Variants in KIF25 observed in about 807,000 individuals in gnomAD.
KIF25 encodes kinesin family member 25, also known as kinesin-like protein KIF25.
Under a neutral mutation model 32.9 loss-of-function variants are expected in KIF25, and 19 were observed. That is an observed-to-expected ratio of 0.58 (90% CI 0.40 to 0.85). The LOEUF is 0.85. Ranked by LOEUF, KIF25 falls within the 40% of genes least tolerant of loss-of-function variation. The probability of loss-of-function intolerance (pLI) is 0.00; values close to 1 mark genes in which losing one functional copy is unlikely to be tolerated. For missense variants in KIF25, 485 were observed against 507.0 expected (o/e 0.96, Z 0.42); for synonymous variants, 225 against 213.7 (o/e 1.05, Z -0.46).
intron 4 of KIF25, among the ~76,000 whole-genome samples, chr6:168,014,204 T>C (rs1798685167): frequency 6.6e-6 from 1 of 152,132 alleles, no homozygotes; most frequent in African/African-American, 2.4e-5. Flanking sequence ...CCTGTTTGCA[T>C]CCTGGTTAAC....
In KIF25 at chr6:168,033,330, T is replaced by C. The variant is rs575896628; in HGVS notation, c.168-552T>C. 6.6e-5 allele frequency among the ~76,000 whole-genome samples: 10 copies of C among 152,244 alleles called. No homozygotes were observed. The South Asian group carries it at 1.9e-3, about 28-fold the overall frequency. On this transcript the variant is annotated intron_variant, in intron 7 of 12. Transcript: ENST00000643607. Reference sequence around the variant, plus strand: ...GCCTGGCCAATATGGCGAAACTCCATCTCTACTAAAAATACAAAAATTAGC... The same window carrying C: ...GCCTGGCCAATATGGCGAAACTCCACCTCTACTAAAAATACAAAAATTAGC...
intron 7 of KIF25, among the ~76,000 whole-genome samples, chr6:168,032,041 G>T (rs1348576904): frequency 1.3e-5 from 2 of 152,218 alleles, no homozygotes; most frequent in African/African-American, 4.8e-5. Flanking sequence ...AAGGATTATG[G>T]AGACTAAAGT....
chr6:168,041,023 T>C lies in KIF25; in HGVS notation c.646+807T>C, dbSNP rs569938155. The stretch of plus-strand genomic sequence containing the variant: ...TGCTCAGGTTCAGCAGGGCTGGGAC[T>C]GGACCCAGAGTGTGCGTTTCTGCAA... On this transcript the variant is annotated intron_variant, in intron 10 of 12. Transcript: ENST00000643607. Among the ~76,000 whole-genome samples, 29 of 152,334 alleles carry C rather than the reference T, an allele frequency of 1.9e-4. No homozygotes were observed. In the South Asian group the frequency reaches 3.5e-3, roughly 18 times the overall value.
chr6:168,043,520 G>C (rs1799163647), intron 12 of KIF25, among the ~76,000 whole-genome samples: 1 of 152,214 alleles, frequency 6.6e-6, no homozygotes, highest in African/African-American at 2.4e-5. Context: ...CTCTCATTGT[G>C]GGGTATTTCC....
chr6:168,042,117 ACAGCT>A lies in KIF25; in HGVS notation c.797_801del (p.Gln266ArgfsTer136). The A allele has an allele frequency of 6.4e-7, 1 of 1,551,088 alleles. No individual in the cohort carries two copies. Among genetic ancestry groups the A allele is most frequent in the Non-Finnish European group, 8.7e-7 (1 of 1,147,626 alleles). On this transcript the variant is annotated frameshift_variant, in exon 11 of 13. Transcript: ENST00000643607. LOFTEE classifies it high-confidence loss of function. ...ATGCGGAGCAGGTGCAGGCTCGACT[ACAGCT>A]CGTGGACTCGGCCGGCAGCGAGTGC... is the stretch of plus-strand genomic sequence containing the variant.
Position 168,044,807 on chromosome 6 carries a change from G to A in KIF25, c.986-20G>A, listed in dbSNP as rs761537953. 3.2e-6 allele frequency: 5 copies of A among 1,564,924 alleles called. No individual in the cohort carries two copies. The highest frequency in any genetic ancestry group is 4.3e-6 in the Non-Finnish European group (5 of 1,151,510). On this transcript the variant is annotated intron_variant, in intron 12 of 12. Transcript: ENST00000643607. Reference sequence around the variant, plus strand: ...TGCTGCTCTTCTTTCCAGCTTGCATGTTGTTTTTCTATTTTAAAGGAGGCG... The same window carrying A: ...TGCTGCTCTTCTTTCCAGCTTGCATATTGTTTTTCTATTTTAAAGGAGGCG...
intron 2 of KIF25, among the ~76,000 whole-genome samples, chr6:168,000,961 G>A (rs1192500779): frequency 1.3e-5 from 2 of 152,216 alleles, no homozygotes; most frequent in East Asian, 3.9e-4. Flanking sequence ...GCACTTGGCC[G>A]GTTCTACAGT....
chr6:168,012,954 G>T lies in KIF25; in HGVS notation c.-162-5019G>T, dbSNP rs1022178044. The stretch of plus-strand genomic sequence containing the variant: ...GTTTCAGGCTGTGTGGCTGGCCTGG[G>T]ATGTGTCCACCAGGGGTGAACTATG... On this transcript the variant is annotated intron_variant, in intron 4 of 12. Transcript: ENST00000643607. Among the ~76,000 whole-genome samples, 5 of 152,154 alleles carry T rather than the reference G, an allele frequency of 3.3e-5. No individual in the cohort carries two copies. The East Asian group carries it at 9.6e-4, about 29-fold the overall frequency.
Position 168,034,936 on chromosome 6 carries a change from G to A in KIF25, c.317+905G>A, listed in dbSNP as rs566798882. On this transcript the variant is annotated intron_variant, in intron 8 of 12. Transcript: ENST00000643607. ...AGCACTTTGGGAGGTCGAGGCGGGCGGATCACAAGGTCAGGAGTTCGAGCT... is the reference window on the plus strand; with the variant it reads ...AGCACTTTGGGAGGTCGAGGCGGGCAGATCACAAGGTCAGGAGTTCGAGCT... 2.0e-5 allele frequency among the ~76,000 whole-genome samples: 3 copies of A among 152,204 alleles called. No homozygotes were observed. In the East Asian group the frequency reaches 5.8e-4, roughly 29 times the overall value.
At chr6:168,002,126 C>T (rs1389954607) in intron 2 of KIF25, among the ~76,000 whole-genome samples, 1 of 43,172 alleles carries the variant, frequency 2.3e-5, no homozygotes, top group Non-Finnish European at 4.3e-5. Flanking sequence ...GGCGTGGCCT[C>T]GGGCAGGTGA....
At chr6:168,026,191 G>C (rs1798857940) in intron 5 of KIF25, among the ~76,000 whole-genome samples, 1 of 152,198 alleles carries the variant, frequency 6.6e-6, no homozygotes, top group Non-Finnish European at 1.5e-5. Flanking sequence ...CACTGTGGTG[G>C]GGAAACCACC....
intron 12 of KIF25, among the ~76,000 whole-genome samples, chr6:168,043,861 G>C (rs575453115): frequency 6.6e-6 from 1 of 152,164 alleles, no homozygotes; most frequent in Admixed American, 6.5e-5. Context: ...CTTAACCCTC[G>C]TTACGGGTCC....
intron 8 of KIF25, among the ~76,000 whole-genome samples, chr6:168,037,543 G>T (rs1394591949): frequency 1.3e-5 from 2 of 152,176 alleles, no homozygotes. Flanking sequence ...TGGAAGGGGA[G>T]TTTTGTCAGA....
chr6:168,021,767 A>G (rs77491620), intron 5 of KIF25, among the ~76,000 whole-genome samples: 2,018 of 152,312 alleles, frequency 0.013, 49 homozygotes, highest in African/African-American at 0.046. Context: ...TGTGCATTTT[A>G]TCGAAGTCTG....
At chr6:168,034,659 G>T (rs540596778) in intron 8 of KIF25, among the ~76,000 whole-genome samples, 60 of 152,282 alleles carry the variant, frequency 3.9e-4, no homozygotes, top group African/African-American at 1.3e-3. Flanking sequence ...CCTGGAATGG[G>T]AAGCACAGAG....
rs371311840 is a variant in KIF25 at position 168,044,900 on chromosome 6, C to G, written c.1059C>G (p.Gly353=). Residue 353 remains glycine (G), a synonymous_variant, in exon 13 of 13, where the codon GGC becomes GGG. Coordinates refer to ENST00000643607, the MANE Select transcript of KIF25 (RefSeq NM_030615.4). Reference sequence around the variant, plus strand: ...GGCACCTGGCACAGACGTTGCAGGGCCTGGGTTTCGGGATCCGAGCTCGGC... The same window carrying G: ...GGCACCTGGCACAGACGTTGCAGGGGCTGGGTTTCGGGATCCGAGCTCGGC... ...SQRHLAQTLQ[G]LGFGIRARQV... 2.9e-5 allele frequency: 47 copies of G among 1,613,116 alleles called. No individual in the cohort carries two copies. The African/African-American group carries it at 3.9e-4, about 13-fold the overall frequency.
intron 9 of KIF25, among the ~76,000 whole-genome samples, chr6:168,039,089 A>G (rs1341425902): frequency 1.3e-5 from 2 of 152,174 alleles, no homozygotes; most frequent in Non-Finnish European, 2.9e-5. Flanking sequence ...CATGTCATTA[A>G]TATCTTAAAG....
At chr6:168,008,178 GT>G (rs139482814) in intron 4 of KIF25, among the ~76,000 whole-genome samples, 1 of 152,188 alleles carries the variant, frequency 6.6e-6, no homozygotes, top group East Asian at 1.9e-4. Flanking sequence ...TTTCCTCTGT[GT>G]TTTCTTCCAG....
rs554827200 is a variant in KIF25 at position 168,036,200 on chromosome 6, C to T, written c.317+2169C>T. 28 of 161,644 alleles carry T rather than the reference C, an allele frequency of 1.7e-4. No individual in the cohort carries two copies. The South Asian group carries it at 4.9e-3, about 29-fold the overall frequency. The allele number at this position is 161,644 out of a possible 1,614,324, so 10.0% of individuals were successfully genotyped here. A position where few individuals can be genotyped will look rare whatever the true frequency, so the allele number is the denominator to read the frequency against. On this transcript the variant is annotated intron_variant, in intron 8 of 12. Transcript: ENST00000643607. Reference sequence around the variant, plus strand: ...TTCTTCTAAACCTGGTTGTTGACACCGCCTCCTTCCCGACTGCTCTCCGCT... The same window carrying T: ...TTCTTCTAAACCTGGTTGTTGACACTGCCTCCTTCCCGACTGCTCTCCGCT...
Sources: allele counts gnomAD v4.1 joint callset (sites outside exome capture counted in the v4.1 genomes callset), GRCh38; gene constraint gnomAD v4.1.1; transcripts MANE v1.5; gene names NCBI Gene and HGNC (gene_info 2026-07-23, HGNC 2026-07-21).